MBP: variants seen among roughly 807,000 people sequenced by gnomAD.
MBP encodes the protein Golli-MBP.
Under a neutral mutation model 35.8 loss-of-function variants are expected in MBP, and 16 were observed. That is an observed-to-expected ratio of 0.45 (90% CI 0.30 to 0.68). MBP has a LOEUF of 0.68. Among genes scored for constraint, MBP ranks in the 30% least tolerant of loss-of-function variants. The pLI, the probability that MBP is intolerant of heterozygous loss-of-function variation, is 0.08. For synonymous variants in MBP, 143 were observed against 159.6 expected (o/e 0.90, Z 0.78); for missense variants, 380 against 404.7 (o/e 0.94, Z 0.52).
chr18:77,031,445 G>C (rs1318460193), intron 3 of MBP, among the ~76,000 whole-genome samples: 1 of 152,160 alleles, frequency 6.6e-6, no homozygotes, highest in Non-Finnish European at 1.5e-5. Flanking sequence ...GCAGATTTCA[G>C]GAACACGTGA....
At chr18:76,998,049 A>G (rs1481106947) in intron 4 of MBP, among the ~76,000 whole-genome samples, 2 of 152,142 alleles carry the variant, frequency 1.3e-5, no homozygotes, top group Non-Finnish European at 2.9e-5. Context: ...CATTCTAACA[A>G]TTTTTAAGTG....
intron 3 of MBP, 23 bp downstream of exon 3, chr18:77,066,275 T>A: frequency 6.3e-7 from 1 of 1,590,840 alleles, no homozygotes; most frequent in Non-Finnish European, 8.6e-7. Flanking sequence ...TGGCGCCATG[T>A]TGCCGATATC....
rs1976016494 is a variant in MBP, at chr18:77,101,644, C to T, written c.51+3567G>A. Among the ~76,000 whole-genome samples, 1 of 152,228 alleles carries T rather than the reference C, an allele frequency of 6.6e-6. No individual in the cohort carries two copies. Among genetic ancestry groups the T allele is most frequent in the African/African-American group, 2.4e-5 (1 of 41,470 alleles). On this transcript the variant is annotated intron_variant, in intron 2 of 8. Coordinates refer to ENST00000355994, the MANE Select transcript of MBP (RefSeq NM_001025101.2). This position sits in a 1 kb window ranked among gnomAD's most constrained non-coding sequence, Gnocchi z 4.3. ...CCATATGAGTGGACTAACACTGCAA[C>T]TCCAGAAAAGTGTCTTTTTTTCACC... is the stretch of plus-strand genomic sequence containing the variant.
At chr18:77,075,267 G>A (rs1974606276) in intron 2 of MBP, among the ~76,000 whole-genome samples, 2 of 152,210 alleles carry the variant, frequency 1.3e-5, no homozygotes, top group Admixed American at 1.3e-4. Context: ...AGCAAAATGA[G>A]TGAATTTTTG....
At chr18:77,130,103 A>C (rs1977191742) in intron 1 of MBP, among the ~76,000 whole-genome samples, 1 of 151,604 alleles carries the variant, frequency 6.6e-6, no homozygotes, top group African/African-American at 2.4e-5. Flanking sequence ...TTTCTTTTTT[A>C]TTGACAACTA....
At chr18:77,068,887 A>C (rs1216464435) in intron 2 of MBP, 2 of 446,124 alleles carry the variant, frequency 4.5e-6, no homozygotes, top group African/African-American at 4.0e-5. Context: ...TGGAATAAAC[A>C]CTCTCAGCCT....
intron 1 of MBP, chr18:77,114,114 G>A (rs538245779): frequency 2.0e-5 from 3 of 152,326 alleles, no homozygotes; most frequent in South Asian, 4.1e-4. Flanking sequence ...TTGCTCTGGG[G>A]TATCAGATAA....
At chr18:77,054,326 C>T (rs905916471) in intron 3 of MBP, among the ~76,000 whole-genome samples, 10 of 152,206 alleles carry the variant, frequency 6.6e-5, no homozygotes, top group Non-Finnish European at 1.3e-4. Flanking sequence ...GGACATGGAG[C>T]GAAGAGCTCA....
chr18:77,039,186 A>T (rs951571603), intron 3 of MBP, among the ~76,000 whole-genome samples: 28 of 152,234 alleles, frequency 1.8e-4, no homozygotes, highest in Admixed American at 1.5e-3. Context: ...CTCCACAGAG[A>T]CTGCGTAGCC....
chr18:77,072,906 C>T (rs925583860), intron 2 of MBP, among the ~76,000 whole-genome samples: 6 of 152,346 alleles, frequency 3.9e-5, no homozygotes, highest in Non-Finnish European at 1.5e-5. Flanking sequence ...GCTTTTAGGA[C>T]GCCTGGCCTG....
chr18:76,979,971 CAAAG>C lies in MBP; in HGVS notation c.*452_*455del, dbSNP rs768490601. ...GTGAGAGAAGGACAGGAAAAAAAAA[CAAAG>C]GAAGCTTGGATGTCAACAGTCCTCT... On this transcript the variant is annotated 3_prime_UTR_variant, in exon 9 of 9. Transcript: ENST00000355994. 7.7e-5 allele frequency: 54 copies of C among 702,328 alleles called. No homozygotes were observed. The highest frequency in any genetic ancestry group is 3.6e-4 in the South Asian group (24 of 67,602). 43.5% of individuals were successfully genotyped at this position (702,328 alleles called of 1,614,324 possible).
intron 4 of MBP, among the ~76,000 whole-genome samples, chr18:77,010,687 G>C (rs942003137): frequency 6.6e-6 from 1 of 152,232 alleles, no homozygotes; most frequent in East Asian, 1.9e-4. Context: ...CAGGAGCTAC[G>C]CATTCACCTG....
At chr18:77,083,137 T>C (rs537748137) in intron 2 of MBP, among the ~76,000 whole-genome samples, 4 of 152,258 alleles carry the variant, frequency 2.6e-5, no homozygotes, top group East Asian at 1.9e-4. Context: ...AGATTTTTTT[T>C]CCTATTTTTA....
At chr18:77,133,245 G>C (rs1977345076), upstream of MBP, among the ~76,000 whole-genome samples, 3 of 152,306 alleles carry the variant, frequency 2.0e-5, no homozygotes, top group Admixed American at 6.5e-5. Flanking sequence ...GAAAGGAGCC[G>C]GCAGGTCCTC....
intron 1 of MBP, among the ~76,000 whole-genome samples, chr18:77,112,162 T>TACACAC (rs1976480290): frequency 1.9e-5 from 1 of 52,410 alleles, no homozygotes; most frequent in Admixed American, 3.2e-4. Context: ...ATGAACACCG[T>TACACAC]GCACACGCAC....
chr18:77,009,751 G>T, intron 4 of MBP: 1 of 1,095,624 alleles, frequency 9.1e-7, no homozygotes, highest in Non-Finnish European at 1.3e-6. Flanking sequence ...GTGGGCCCCT[G>T]GCAGTGACAC....
rs927408173 is a variant in MBP, at chr18:76,997,746, G to A, written c.577-7686C>T. 9.3e-5 allele frequency among the ~76,000 whole-genome samples: 14 copies of A among 150,884 alleles called. No homozygotes were observed. In the East Asian group the frequency reaches 2.2e-3, roughly 23 times the overall value. Reference sequence around the variant, plus strand: ...CCCCCAGGCTGGAGTGCAGTGGCGCGACCTCGGCTCACTGCAAGCTCCGCC... The same window carrying A: ...CCCCCAGGCTGGAGTGCAGTGGCGCAACCTCGGCTCACTGCAAGCTCCGCC... On this transcript the variant is annotated intron_variant, in intron 4 of 8. Coordinates refer to ENST00000355994, the MANE Select transcript of MBP (RefSeq NM_001025101.2).
At chr18:77,100,541 G>T (rs150042781) in intron 2 of MBP, among the ~76,000 whole-genome samples, 5,132 of 97,504 alleles carry the variant, frequency 0.053, 183 homozygotes, top group South Asian at 0.12. Context: ...GTGTGTGTGT[G>T]TGTGTTTTGT....
chr18:77,131,035 A>AAC lies in MBP; in HGVS notation c.-26+1544_-26+1545insGT. Among the ~76,000 whole-genome samples, 1 of 151,214 alleles carries AAC rather than the reference A, an allele frequency of 6.6e-6. No homozygotes were observed. On this transcript the variant is annotated intron_variant, in intron 1 of 8. Transcript: ENST00000355994. This position sits in a 1 kb window ranked among gnomAD's most constrained non-coding sequence, Gnocchi z 5.5. ...TTTCTGTTTTTCCCACAAAAAAAAA[A>AAC]AAAAAACAAAACCTCAAAAAACAAA...
Sources: allele counts gnomAD v4.1 joint callset (sites outside exome capture counted in the v4.1 genomes callset), GRCh38; gene constraint gnomAD v4.1.1; non-coding constraint Gnocchi (gnomAD v3.1); transcripts MANE v1.5; gene names NCBI Gene and HGNC (gene_info 2026-07-23, HGNC 2026-07-21).